PRMT8: variants seen among roughly 807,000 people sequenced by gnomAD.
PRMT8 encodes protein arginine N-methyltransferase 8.
In PRMT8, 7 loss-of-function variants were observed where a neutral mutation model predicts 47.1. The observed-to-expected ratio is 0.15, with a 90% CI of 0.08 to 0.28. The LOEUF is 0.28. Ranked by LOEUF, PRMT8 falls within the 10% of genes least tolerant of loss-of-function variation. The pLI, the probability that PRMT8 is intolerant of heterozygous loss-of-function variation, is 1.00. For missense variants in PRMT8, 237 were observed against 505.4 expected, an observed-to-expected ratio of 0.47 and a Z score of 5.09; for synonymous variants, 188 against 186.5, an observed-to-expected ratio of 1.01 and a Z score of -0.07.
chr12:3,512,032 G>A (rs1591577790), intron 1 of PRMT8, among the ~76,000 whole-genome samples: 1 of 152,176 alleles, frequency 6.6e-6, no homozygotes, highest in East Asian at 1.9e-4. Context: ...GCAGTGGGAA[G>A]TGATTCCATG....
chr12:3,381,907 A>C, intron 1 of PRMT8, among the ~76,000 whole-genome samples: 1 of 152,208 alleles, frequency 6.6e-6, no homozygotes, highest in East Asian at 1.9e-4. Flanking sequence ...TATCTTTGGC[A>C]ACCACTAATT....
At chr12:3,422,550 G>A (rs1009353851) in intron 1 of PRMT8, among the ~76,000 whole-genome samples, 5 of 152,178 alleles carry the variant, frequency 3.3e-5, no homozygotes, top group African/African-American at 1.2e-4. Flanking sequence ...TGAAAGGGTT[G>A]TGATTGATTG....
chr12:3,523,119 G>A (rs1179716491), intron 1 of PRMT8, among the ~76,000 whole-genome samples: 2 of 152,156 alleles, frequency 1.3e-5, no homozygotes, highest in Non-Finnish European at 2.9e-5. Context: ...GGAAACCAAA[G>A]GCAGCTGTCA....
chr12:3,588,695 G>C (rs894424463), intron 8 of PRMT8, among the ~76,000 whole-genome samples: 7 of 152,236 alleles, frequency 4.6e-5, no homozygotes, highest in African/African-American at 1.7e-4. Context: ...GGCAGTACTG[G>C]TCATGCTCAC....
rs796385931 is a variant in PRMT8 at position 3,538,436 on chromosome 12, A to G, written c.76-2170A>G. ...GTTGTGGAATTAAAAGCAACACCCC[A>G]TGTCGCTGAATGTTCAGGGATCACA... is the stretch of plus-strand genomic sequence containing the variant. On this transcript the variant is annotated intron_variant, in intron 1 of 9. Transcript: ENST00000382622. The surrounding 1 kb of genome is among the most constrained non-coding windows in gnomAD (Gnocchi z 4.6). The G allele has an allele frequency of 2.3e-4, 79 of 350,928 alleles. No homozygotes were observed. The highest frequency in any genetic ancestry group is 1.6e-3 in the African/African-American group (76 of 46,750). 21.7% of individuals were successfully genotyped at this position (350,928 alleles called of 1,614,324 possible).
intron 4 of PRMT8, among the ~76,000 whole-genome samples, chr12:3,555,702 G>A (rs1056523489): frequency 1.3e-5 from 2 of 152,218 alleles, no homozygotes; most frequent in African/African-American, 4.8e-5. Context: ...CCAGTGAGAG[G>A]GGCTGCAGCA....
At chr12:3,472,534 C>G (rs1865171439) in intron 1 of PRMT8, among the ~76,000 whole-genome samples, 1 of 152,200 alleles carries the variant, frequency 6.6e-6, no homozygotes, top group Non-Finnish European at 1.5e-5. Flanking sequence ...TACTTAACTT[C>G]TCTGAGCCTC....
At chr12:3,467,239 C>CAAAAAAAAAAAATAA (rs1865108643) in intron 1 of PRMT8, among the ~76,000 whole-genome samples, 1 of 48,818 alleles carries the variant, frequency 2.0e-5, no homozygotes, top group Non-Finnish European at 3.1e-5. Context: ...GACTCCATCT[C>CAAAAAAAAAAAATAA]AAAAAAAAAA....
intron 2 of PRMT8, among the ~76,000 whole-genome samples, chr12:3,541,391 A>G (rs1866227875): frequency 6.6e-6 from 1 of 152,216 alleles, no homozygotes; most frequent in Admixed American, 6.5e-5. Flanking sequence ...CATCCTGGCC[A>G]TAGTGGGGGC....
At chr12:3,496,214 A>ATATATATATATATATATTTT in intron 1 of PRMT8, among the ~76,000 whole-genome samples, 4 of 27,772 alleles carry the variant, frequency 1.4e-4, no homozygotes, top group African/African-American at 2.6e-4. Flanking sequence ...ATATATATAT[A>ATATATATATATATATATTTT]TTTTTTTTTT....
At chr12:3,477,576 C>T (rs1865225908) in intron 1 of PRMT8, among the ~76,000 whole-genome samples, 1 of 152,188 alleles carries the variant, frequency 6.6e-6, no homozygotes. Context: ...TAAAAAGATA[C>T]CCTCCTCTGC....
At chr12:3,452,356 A>G (rs1864928562) in intron 1 of PRMT8, among the ~76,000 whole-genome samples, 1 of 152,054 alleles carries the variant, frequency 6.6e-6, no homozygotes, top group African/African-American at 2.4e-5. Context: ...CACACCCCAC[A>G]AGGAGACCAC....
chr12:3,582,990 C>G, intron 7 of PRMT8, 68 bp from the exon 8 acceptor site: 2 of 1,555,922 alleles, frequency 1.3e-6, no homozygotes, highest in Non-Finnish European at 1.7e-6. Context: ...CAGAACGAGG[C>G]TGCTGACCGG....
intron 1 of PRMT8, among the ~76,000 whole-genome samples, chr12:3,472,680 A>T (rs1865172619): frequency 6.6e-6 from 1 of 152,138 alleles, no homozygotes; most frequent in South Asian, 2.1e-4. Flanking sequence ...ACTCAAAGGG[A>T]TAGGAGGGTC....
rs1348563464 is a variant in PRMT8 at position 3,453,322 on chromosome 12, G to A, written c.48+71880G>A. 6.6e-6 allele frequency among the ~76,000 whole-genome samples: 1 copy of A among 152,116 alleles called. No homozygotes were observed. Among genetic ancestry groups the A allele is most frequent in the East Asian group, 1.9e-4 (1 of 5,180 alleles). On this transcript the variant is annotated intron_variant, in intron 1 of 9. Coordinates refer to the PRMT8 transcript ENST00000452611. This position sits in a 1 kb window ranked among gnomAD's most constrained non-coding sequence, Gnocchi z 4.9. ...AGCACCCTTAGGACTCCTGGGCCTCGGGCCCCAGTGTTGAGTCTGGCAGCA... is the reference window on the plus strand; with the variant it reads ...AGCACCCTTAGGACTCCTGGGCCTCAGGCCCCAGTGTTGAGTCTGGCAGCA...
rs1288347447 is a variant in PRMT8, at chr12:3,514,668, G to T, written c.75+22968G>T. On this transcript the variant is annotated intron_variant, in intron 1 of 9. Coordinates refer to ENST00000382622, the MANE Select transcript of PRMT8 (RefSeq NM_019854.5). The surrounding 1 kb of genome is among the most constrained non-coding windows in gnomAD (Gnocchi z 5.9). ...AAGCTGACCTTTCCGGCTGGGTTCT[G>T]CCTGTGGGCGACAGGAGCACCAGTG... Among the ~76,000 whole-genome samples the T allele has an allele frequency of 6.6e-6, 1 of 152,028 alleles. No individual in the cohort carries two copies. The highest frequency in any genetic ancestry group is 1.5e-5 in the Non-Finnish European group (1 of 67,984).
intron 1 of PRMT8, among the ~76,000 whole-genome samples, chr12:3,480,703 C>T (rs940412658): frequency 5.3e-5 from 8 of 152,222 alleles, no homozygotes; most frequent in African/African-American, 9.6e-5. Context: ...CTATAGTCCA[C>T]GGCATAACTT....
intron 1 of PRMT8, among the ~76,000 whole-genome samples, chr12:3,404,340 C>G (rs149088593): frequency 7.9e-5 from 12 of 152,192 alleles, no homozygotes; most frequent in Non-Finnish European, 1.6e-4. Context: ...GTTTGATATA[C>G]GTAGATAAAA....
At chr12:3,416,072 T>C (rs545894695) in intron 1 of PRMT8, among the ~76,000 whole-genome samples, 2 of 152,330 alleles carry the variant, frequency 1.3e-5, no homozygotes, top group South Asian at 4.1e-4. Context: ...TCAACAGGGA[T>C]GGCAGTGTCT....
Sources: allele counts gnomAD v4.1 joint callset (sites outside exome capture counted in the v4.1 genomes callset), GRCh38; gene constraint gnomAD v4.1.1; non-coding constraint Gnocchi (gnomAD v3.1); transcripts MANE v1.5; gene names NCBI Gene and HGNC (gene_info 2026-07-23, HGNC 2026-07-21).